The following SP140 variants were observed in gnomAD, a reference collection of about 807,000 sequenced individuals.
SP140 encodes nuclear body protein SP140.
A neutral mutation model predicts 125.0 loss-of-function variants in SP140; 81 were observed. The ratio of observed to expected loss-of-function variants is 0.65; its 90% confidence interval spans 0.54 to 0.78. The LOEUF (loss-of-function observed/expected upper bound fraction) is 0.78. Ranked by LOEUF, SP140 falls within the 30% of genes least tolerant of loss-of-function variation. The probability of loss-of-function intolerance (pLI) is 0.00; values close to 1 mark genes in which losing one functional copy is unlikely to be tolerated. For missense variants in SP140, 858 were observed against 1,037.0 expected (o/e 0.83, Z 2.37); for synonymous variants, 312 against 354.0 (o/e 0.88, Z 1.33).
the SP140 span, among the ~76,000 whole-genome samples, chr2:230,191,849 C>T: frequency 1.3e-5 from 2 of 152,134 alleles, no homozygotes; most frequent in Admixed American, 1.3e-4. Context: ...AAATTTCAGG[C>T]CAATATCCCT....
At chr2:230,253,790 A>T (rs2050738820) in intron 11 of SP140, among the ~76,000 whole-genome samples, 1 of 152,252 alleles carries the variant, frequency 6.6e-6, no homozygotes, top group South Asian at 2.1e-4. Context: ...TTTCAGAAGT[A>T]TCAGGAACAC....
intron 22 of SP140, among the ~76,000 whole-genome samples, chr2:230,298,376 T>C (rs1020367743): frequency 6.6e-5 from 10 of 152,162 alleles, no homozygotes; most frequent in African/African-American, 2.4e-4. Context: ...GGAGGGATGC[T>C]CAAATAGTTT....
intron 3 of SP140, 78 bp downstream of exon 3, chr2:230,238,459 A>G (rs925744783): frequency 8.6e-6 from 12 of 1,394,206 alleles, no homozygotes; most frequent in Non-Finnish European, 1.2e-5. Flanking sequence ...CTTCATTCAT[A>G]TTTGACAAAT....
intron 11 of SP140, among the ~76,000 whole-genome samples, chr2:230,253,740 G>A (rs1349410678): frequency 6.6e-6 from 1 of 152,162 alleles, no homozygotes; most frequent in African/African-American, 2.4e-5. Context: ...AATATCAGCA[G>A]GTTATGGTAA....
At chr2:230,286,137 C>A (rs926216597) in intron 17 of SP140, among the ~76,000 whole-genome samples, 8 of 152,146 alleles carry the variant, frequency 5.3e-5, no homozygotes, top group African/African-American at 7.2e-5. Context: ...AATTGTAAGC[C>A]GAATACAGGT....
intron 1 of SP140, among the ~76,000 whole-genome samples, chr2:230,234,276 A>G (rs114871182): frequency 0.011 from 1,750 of 152,304 alleles, 14 homozygotes; most frequent in Non-Finnish European, 0.017. Context: ...ATCTGAAATG[A>G]CAGTCACTGT....
chr2:230,272,832 A>G (rs749955976), intron 15 of SP140, among the ~76,000 whole-genome samples: 7 of 152,202 alleles, frequency 4.6e-5, no homozygotes, highest in Non-Finnish European at 1.0e-4. Context: ...TGACAAAAAC[A>G]AGCAATGGGA....
At position 230,260,950 on chromosome 2, in the gene SP140, A is replaced by G. The variant is rs2052133521; in HGVS notation, c.1240+5418A>G. On this transcript the variant is annotated intron_variant, in intron 12 of 26. Transcript: ENST00000392045. ...TCCTTTTTGGTTCCATATGAATTTT[A>G]GAGGTGTTTTTTCTAATTCTGTGAA... Among the ~76,000 whole-genome samples the G allele has an allele frequency of 1.3e-5, 2 of 152,030 alleles. 1 individual carries two copies. Among genetic ancestry groups the G allele is most frequent in the South Asian group, 4.2e-4 (2 of 4,818 alleles).
intron 12 of SP140, among the ~76,000 whole-genome samples, chr2:230,267,033 G>C (rs537614585): frequency 1.3e-5 from 2 of 152,300 alleles, no homozygotes; most frequent in South Asian, 4.1e-4. Context: ...GGCCATCTTA[G>C]AATTCTGCCT....
At chr2:230,270,762 T>G (rs2053809444) in intron 15 of SP140, 123 bp downstream of exon 15, 1 of 940,590 alleles carries the variant, frequency 1.1e-6, no homozygotes. Flanking sequence ...GACAGAAGGA[T>G]GACCTCCCTA....
intron 22 of SP140, among the ~76,000 whole-genome samples, chr2:230,308,410 A>T (rs1027370356): frequency 6.6e-5 from 10 of 152,186 alleles, no homozygotes; most frequent in Non-Finnish European, 1.3e-4. Flanking sequence ...AAAAAGATTA[A>T]GGATTCGACA....
intron 14 of SP140, 118 bp downstream of exon 14, chr2:230,270,071 C>A: frequency 1.4e-6 from 1 of 698,612 alleles, no homozygotes; most frequent in Non-Finnish European, 2.5e-6. Context: ...TTTGCTTGAC[C>A]TGAGCCTTTG....
chr2:230,219,957 A>G lies in SP140; in HGVS notation c.-90-5798A>G, dbSNP rs199943005. The G allele has an allele frequency of 4.5e-4, 441 of 985,498 alleles. 4 individuals are homozygous for G. The South Asian group carries it at 9.4e-3, about 21-fold the overall frequency. 61.0% of individuals were successfully genotyped at this position (985,498 alleles called of 1,614,324 possible). On this transcript the variant is annotated intron_variant, in intron 3 of 4. Transcript: ENST00000456542. ...TCAAGATTGGGAGAGTTACAGGGAGATGCTAGCAGGCAAAACAGGAAGTCT... is the reference window on the plus strand; with the variant it reads ...TCAAGATTGGGAGAGTTACAGGGAGGTGCTAGCAGGCAAAACAGGAAGTCT...
chr2:230,187,265 A>T, the SP140 span, among the ~76,000 whole-genome samples: 2 of 151,892 alleles, frequency 1.3e-5, no homozygotes, highest in African/African-American at 4.8e-5. Context: ...GATGTTGAGC[A>T]TTTTTTCAGA....
intron 22 of SP140, among the ~76,000 whole-genome samples, chr2:230,299,051 T>C (rs992436682): frequency 6.6e-6 from 1 of 152,204 alleles, no homozygotes; most frequent in Non-Finnish European, 1.5e-5. Flanking sequence ...CTTGAAAAGA[T>C]GGGTTTGGAG....
chr2:230,278,714 G>T (rs1474637111), intron 15 of SP140, among the ~76,000 whole-genome samples: 1 of 152,006 alleles, frequency 6.6e-6, no homozygotes, highest in Non-Finnish European at 1.5e-5. Flanking sequence ...TCTTTTGCTT[G>T]TGGATATTCA....
chr2:230,250,805 T>G (rs2050245043), intron 9 of SP140, among the ~76,000 whole-genome samples, 176 bp from the exon 10 acceptor site: 1 of 152,164 alleles, frequency 6.6e-6, no homozygotes, highest in African/African-American at 2.4e-5. Flanking sequence ...TCAGCCTTGG[T>G]GACAGCAACT....
intron 17 of SP140, 60 bp downstream of exon 17, chr2:230,285,892 G>A (rs1435604937): frequency 7.9e-7 from 1 of 1,258,552 alleles, no homozygotes; most frequent in African/African-American, 1.5e-5. Context: ...TTTTACTGAG[G>A]TATTGACGAG....
chr2:230,262,783 A>G (rs2052488831), intron 12 of SP140, among the ~76,000 whole-genome samples: 1 of 151,966 alleles, frequency 6.6e-6, no homozygotes, highest in South Asian at 2.1e-4. Flanking sequence ...TGCCTTTTGG[A>G]GTTGATTTCC....
Sources: gnomAD v4.1 joint callset for allele counts (sites outside exome capture counted in the v4.1 genomes callset) on GRCh38, gnomAD v4.1.1 for gene constraint, MANE v1.5 for transcripts, NCBI Gene and HGNC (gene_info 2026-07-23, HGNC 2026-07-21) for gene names.